PKNOX1: variants seen among roughly 807,000 people sequenced by gnomAD.
PKNOX1 encodes PBX/knotted 1 homeobox 1.
In PKNOX1, 15 loss-of-function variants were observed where a neutral mutation model predicts 51.9. The observed-to-expected ratio is 0.29, with a 90% CI of 0.19 to 0.45. The LOEUF (loss-of-function observed/expected upper bound fraction) is 0.45. Ranked by LOEUF, PKNOX1 falls within the 20% of genes least tolerant of loss-of-function variation. PKNOX1 has a pLI of 1.00. For synonymous variants in PKNOX1, 219 were observed against 211.1 expected (o/e 1.04, Z -0.32); for missense variants, 462 against 547.5 (o/e 0.84, Z 1.56).
At chr21:43,011,850 G>C (rs1001711854) in intron 4 of PKNOX1, among the ~76,000 whole-genome samples, 6 of 152,206 alleles carry the variant, frequency 3.9e-5, no homozygotes, top group African/African-American at 1.2e-4. Flanking sequence ...TCCTCTCTGA[G>C]ATGAGACTAA....
At chr21:43,011,482 G>T (rs891476112) in intron 4 of PKNOX1, among the ~76,000 whole-genome samples, 1 of 152,148 alleles carries the variant, frequency 6.6e-6, no homozygotes, top group Non-Finnish European at 1.5e-5. Flanking sequence ...TCTTGGTTCC[G>T]TCATCACTGG....
chr21:43,021,194 C>T lies in PKNOX1; in HGVS notation c.721-109C>T. ...GGTTCCCGTGCATGGGCCTCGACTA[C>T]AATCATTTCCCTGTCCGATCCTTGG... On this transcript the variant is annotated intron_variant, in intron 7 of 10. Transcript: ENST00000291547. This position sits in a 1 kb window ranked among gnomAD's most constrained non-coding sequence, Gnocchi z 4.6. The T allele has an allele frequency of 1.1e-6, 1 of 889,788 alleles. No individual in the cohort carries two copies. Among genetic ancestry groups the T allele is most frequent in the Non-Finnish European group, 1.7e-6 (1 of 586,530 alleles). 55.1% of individuals were successfully genotyped at this position (889,788 alleles called of 1,614,324 possible). A position where few individuals can be genotyped will look rare whatever the true frequency, so the allele number is the denominator to read the frequency against.
chr21:43,021,555 T>G lies in PKNOX1; in HGVS notation c.849+124T>G. On this transcript the variant is annotated intron_variant, in intron 8 of 10. Coordinates refer to ENST00000291547, the MANE Select transcript of PKNOX1 (RefSeq NM_004571.5). This position sits in a 1 kb window ranked among gnomAD's most constrained non-coding sequence, Gnocchi z 4.6. ...AATCAAAGGCCTGACTTTCAGGACT[T>G]TGTGGCATGTCCATAATGTGGGGAG... The G allele has an allele frequency of 8.6e-7, 1 of 1,165,818 alleles. No homozygotes were observed. The highest frequency in any genetic ancestry group is 1.2e-6 in the Non-Finnish European group (1 of 839,654). 72.2% of individuals were successfully genotyped at this position (1,165,818 alleles called of 1,614,324 possible). A position where few individuals can be genotyped will look rare whatever the true frequency, so the allele number is the denominator to read the frequency against.
intron 5 of PKNOX1, among the ~76,000 whole-genome samples, chr21:43,014,001 G>T (rs941451312): frequency 6.7e-5 from 10 of 148,992 alleles, no homozygotes; most frequent in Non-Finnish European, 1.5e-4. Context: ...TAAAATGTCT[G>T]CTGCTTATGT....
intron 1 of PKNOX1, among the ~76,000 whole-genome samples, chr21:42,978,496 T>C (rs2059009796): frequency 6.7e-6 from 1 of 149,378 alleles, no homozygotes; most frequent in East Asian, 1.9e-4. Flanking sequence ...CTTTTTTTTT[T>C]TTTTTTTGAG....
intron 1 of PKNOX1, among the ~76,000 whole-genome samples, chr21:42,975,209 C>T (rs1370007674): frequency 1.4e-5 from 2 of 147,642 alleles, no homozygotes; most frequent in African/African-American, 4.9e-5. Flanking sequence ...GGGTGCGGGG[C>T]GCGCGGCGGC....
At chr21:42,995,305 C>T (rs970836332) in intron 1 of PKNOX1, among the ~76,000 whole-genome samples, 3 of 152,138 alleles carry the variant, frequency 2.0e-5, no homozygotes, top group Non-Finnish European at 4.4e-5. Context: ...GGACTCACAG[C>T]TTGCATTTTA....
intron 1 of PKNOX1, among the ~76,000 whole-genome samples, chr21:42,984,455 C>T (rs2059041684): frequency 6.6e-6 from 1 of 151,588 alleles, no homozygotes; most frequent in Non-Finnish European, 1.5e-5. Context: ...ATGGCATGAT[C>T]TTGGCTCACC....
At chr21:42,997,405 A>G (rs986501031) in intron 1 of PKNOX1, among the ~76,000 whole-genome samples, 13 of 152,348 alleles carry the variant, frequency 8.5e-5, no homozygotes, top group Admixed American at 5.2e-4. Context: ...AAATTGTAAA[A>G]TATTTTGTCA....
Position 43,013,198 on chromosome 21 carries a change from G to A in PKNOX1, c.482G>A (p.Ser161Asn), listed in dbSNP as rs951663726. Reference protein sequence around the residue: ...KTKMNSETLLSGEPGSPYSPV... With the variant: ...KTKMNSETLLNGEPGSPYSPV... ...AAAATGAACAGTGAAACTCTGTTGA[G>A]TGGAGAGCCTGGAAGCCCGTACTCA... Residue 161 changes from serine (S) to asparagine (N), a missense_variant, in exon 5 of 11, where the codon AGT becomes AAT. Coordinates refer to ENST00000291547, the MANE Select transcript of PKNOX1 (RefSeq NM_004571.5). 8 of 1,613,712 alleles carry A rather than the reference G, an allele frequency of 5.0e-6. No individual in the cohort carries two copies. The Admixed American group carries it at 5.0e-5, about 10-fold the overall frequency.
rs758208308 is a variant in PKNOX1 at position 43,030,037 on chromosome 21, C to A, written c.1247C>A (p.Ala416Glu). The A allele has an allele frequency of 6.2e-7, 1 of 1,613,690 alleles. No individual in the cohort carries two copies. Among genetic ancestry groups the A allele is most frequent in the Non-Finnish European group, 8.5e-7 (1 of 1,179,774 alleles). ...TCTGTGGACAGCACAGAGGAGGATG[C>A]GGGTGCCCTGGCCCCTGCCCACATC... ...DESVDSTEEDAGALAPAHISG... is the reference protein window; with the variant it reads ...DESVDSTEEDEGALAPAHISG... The change falls in exon 11 of 11, where the codon GCG (alanine) becomes GAG (glutamate). Residue 416 changes from alanine to glutamate, a missense_variant. Coordinates refer to ENST00000291547, the MANE Select transcript of PKNOX1 (RefSeq NM_004571.5).
chr21:43,010,942 C>T (rs1568898523), intron 4 of PKNOX1, among the ~76,000 whole-genome samples: 4 of 152,108 alleles, frequency 2.6e-5, no homozygotes, highest in South Asian at 2.1e-4. Flanking sequence ...CAGTTCTCTG[C>T]ACAGTGTTTG....
At chr21:43,005,377 C>G (rs1322824504) in intron 2 of PKNOX1, among the ~76,000 whole-genome samples, 1 of 151,884 alleles carries the variant, frequency 6.6e-6, no homozygotes, top group Non-Finnish European at 1.5e-5. Context: ...ACCAACCAGT[C>G]CTTGTTCAGT....
chr21:43,007,768 A>G, intron 3 of PKNOX1, 150 bp downstream of exon 3: 1 of 811,884 alleles, frequency 1.2e-6, no homozygotes, highest in Non-Finnish European at 1.9e-6. Flanking sequence ...TTCTCAGATT[A>G]AGATGTTATT....
intron 9 of PKNOX1, among the ~76,000 whole-genome samples, chr21:43,027,143 T>C (rs1308845044): frequency 6.6e-6 from 1 of 152,160 alleles, no homozygotes; most frequent in Non-Finnish European, 1.5e-5. Context: ...GAAGTCTGGC[T>C]TTTAATAGAT....
chr21:43,009,650 C>T (rs1979160089), intron 3 of PKNOX1, among the ~76,000 whole-genome samples: 2 of 150,442 alleles, frequency 1.3e-5, no homozygotes, highest in Non-Finnish European at 3.0e-5. Flanking sequence ...TACTGATACC[C>T]GTAAAACACT....
intron 1 of PKNOX1, among the ~76,000 whole-genome samples, chr21:42,992,965 A>C (rs2059096062): frequency 7.4e-6 from 1 of 134,360 alleles, no homozygotes; most frequent in South Asian, 2.5e-4. Flanking sequence ...GCTTTCTCAT[A>C]GCAGTGTCAG....
chr21:43,025,667 C>T (rs1979956784), intron 9 of PKNOX1, among the ~76,000 whole-genome samples: 1 of 152,138 alleles, frequency 6.6e-6, no homozygotes, highest in Non-Finnish European at 1.5e-5. Context: ...AGTCACTTGT[C>T]ACATTTTTTA....
At chr21:43,002,747 C>T (rs992568756) in intron 1 of PKNOX1, among the ~76,000 whole-genome samples, 4 of 152,132 alleles carry the variant, frequency 2.6e-5, no homozygotes, top group African/African-American at 4.8e-5. Flanking sequence ...GATGGAGTCT[C>T]GCTCTGTCAC....
Sources: gnomAD v4.1 joint callset for allele counts (sites outside exome capture counted in the v4.1 genomes callset) on GRCh38, gnomAD v4.1.1 for gene constraint, Gnocchi (gnomAD v3.1) non-coding constraint, MANE v1.5 for transcripts, NCBI Gene and HGNC (gene_info 2026-07-23, HGNC 2026-07-21) for gene names.